The following CDH18 variants were observed in gnomAD, a reference collection of about 807,000 sequenced individuals.
The protein encoded by CDH18 is cadherin 18.
In CDH18, 31 loss-of-function variants were observed where a neutral mutation model predicts 67.9. That is an observed-to-expected ratio of 0.46 (90% confidence interval 0.34 to 0.62). The LOEUF (loss-of-function observed/expected upper bound fraction) is 0.62. Ranked by LOEUF, CDH18 falls within the 20% of genes least tolerant of loss-of-function variation. The pLI is 0.01. For synonymous variants in CDH18, 362 were observed against 347.2 expected (o/e 1.04, Z -0.48); for missense variants, 890 against 975.5 (o/e 0.91, Z 1.17).
At chr5:20,219,015 C>T (rs1741006051) in intron 2 of CDH18, among the ~76,000 whole-genome samples, 1 of 149,906 alleles carries the variant, frequency 6.7e-6, no homozygotes, top group African/African-American at 2.5e-5. Flanking sequence ...AAATAAGTAA[C>T]AAAAATTAGA....
At position 19,983,574 on chromosome 5, in the gene CDH18, C is replaced by T. The variant is rs377009177; in HGVS notation, c.-375-2396G>A. Among the ~76,000 whole-genome samples, 78 of 152,240 alleles carry T rather than the reference C, an allele frequency of 5.1e-4. No homozygotes were observed. In the South Asian group the frequency reaches 0.016, roughly 31 times the overall value. ...GATCAAACTTTGTTCATTTTGTTCT[C>T]AGACCTACCAAGAAATTTCTAAATT... On this transcript the variant is annotated intron_variant, in intron 1 of 12. Transcript: ENST00000382275.
At position 20,101,122 on chromosome 5, in the gene CDH18, T is replaced by C. The variant is rs183014235; in HGVS notation, c.-517-109108A>G. On this transcript the variant is annotated intron_variant, in intron 2 of 14. Coordinates refer to the CDH18 transcript ENST00000507958. ...ATGTACACCACATCGGGCTTTTTTTTTTCTTCAGTTTTTATTTTTTGTAGA... is the reference window on the plus strand; with the variant it reads ...ATGTACACCACATCGGGCTTTTTTTCTTCTTCAGTTTTTATTTTTTGTAGA... Among the ~76,000 whole-genome samples, 100 of 152,076 alleles carry C rather than the reference T, an allele frequency of 6.6e-4. 1 individual carries two copies. In the South Asian group the frequency reaches 0.018, roughly 27 times the overall value.
chr5:19,583,846 T>C (rs1743670955), intron 7 of CDH18, among the ~76,000 whole-genome samples: 1 of 152,152 alleles, frequency 6.6e-6, no homozygotes, highest in South Asian at 2.1e-4. Context: ...TATATTTCAT[T>C]TTACAGTAAG....
intron 1 of CDH18, among the ~76,000 whole-genome samples, chr5:20,499,075 G>A (rs535279057): frequency 6.6e-6 from 1 of 151,972 alleles, no homozygotes; most frequent in Non-Finnish European, 1.5e-5. Context: ...TCAAAGATAA[G>A]TGAGCTGTGA....
chr5:20,505,181 T>C (rs541675909), intron 1 of CDH18, among the ~76,000 whole-genome samples: 34 of 152,258 alleles, frequency 2.2e-4, no homozygotes, highest in African/African-American at 8.2e-4. Flanking sequence ...ACTGGTGGTA[T>C]AAGTACAGTC....
At chr5:19,834,125 T>C (rs548749996) in intron 3 of CDH18, among the ~76,000 whole-genome samples, 8 of 151,442 alleles carry the variant, frequency 5.3e-5, no homozygotes, top group African/African-American at 1.9e-4. Context: ...CTGGTAGAAT[T>C]CAGCTGTGAA....
intron 2 of CDH18, among the ~76,000 whole-genome samples, chr5:19,860,256 T>C (rs929462225): frequency 6.6e-6 from 1 of 152,116 alleles, no homozygotes; most frequent in Non-Finnish European, 1.5e-5. Flanking sequence ...GCTCTGTCCA[T>C]TGCATCCAGT....
chr5:20,560,099 C>T (rs17236779), intron 1 of CDH18, among the ~76,000 whole-genome samples: 42,342 of 152,030 alleles, frequency 0.28, 6,223 homozygotes, highest in Middle Eastern at 0.33. Flanking sequence ...GGTGAGAAGT[C>T]GTCATGGAAA....
At chr5:20,141,517 C>T (rs1750239777) in intron 2 of CDH18, among the ~76,000 whole-genome samples, 1 of 152,090 alleles carries the variant, frequency 6.6e-6, no homozygotes, top group Non-Finnish European at 1.5e-5. Context: ...AGCTAGATGG[C>T]ATCAACAGTA....
intron 3 of CDH18, among the ~76,000 whole-genome samples, chr5:19,810,609 G>C (rs1462471336): frequency 1.3e-5 from 2 of 151,780 alleles, no homozygotes; most frequent in African/African-American, 4.8e-5. Flanking sequence ...AAATATATTT[G>C]ATTAAGTAAT....
intron 2 of CDH18, among the ~76,000 whole-genome samples, chr5:20,094,964 T>C (rs1262056114): frequency 6.6e-6 from 1 of 152,114 alleles, no homozygotes; most frequent in African/African-American, 2.4e-5. Flanking sequence ...TACCATGGAA[T>C]ACTAAGCAGT....
At chr5:19,678,224 C>G (rs1759770757) in intron 5 of CDH18, among the ~76,000 whole-genome samples, 1 of 139,130 alleles carries the variant, frequency 7.2e-6, no homozygotes, top group South Asian at 2.4e-4. Context: ...CACAATCAAA[C>G]ATAAAACAAT....
chr5:19,716,697 C>A (rs1353677543), intron 5 of CDH18, among the ~76,000 whole-genome samples: 1 of 151,532 alleles, frequency 6.6e-6, no homozygotes, highest in Non-Finnish European at 1.5e-5. Context: ...TCATGTAACA[C>A]AAAAAATTAA....
chr5:19,944,978 G>A (rs1221907121), intron 2 of CDH18, among the ~76,000 whole-genome samples: 1 of 152,102 alleles, frequency 6.6e-6, no homozygotes, highest in African/African-American at 2.4e-5. Context: ...AAAACAGCCT[G>A]CCTCTCTGGC....
At chr5:19,555,142 T>C (rs574269288) in intron 8 of CDH18, among the ~76,000 whole-genome samples, 1 of 152,218 alleles carries the variant, frequency 6.6e-6, no homozygotes, top group East Asian at 1.9e-4. Flanking sequence ...CCAGGGAAAA[T>C]GGCGGAGAGG....
At chr5:19,524,476 A>C (rs900821902) in intron 9 of CDH18, among the ~76,000 whole-genome samples, 1 of 151,784 alleles carries the variant, frequency 6.6e-6, no homozygotes, top group Non-Finnish European at 1.5e-5. Flanking sequence ...TAATTAGTCA[A>C]AATGCTTATT....
intron 1 of CDH18, among the ~76,000 whole-genome samples, chr5:20,564,494 C>T (rs1373090398): frequency 1.3e-5 from 2 of 151,854 alleles, no homozygotes; most frequent in Non-Finnish European, 2.9e-5. Flanking sequence ...TCTGGTTGGG[C>T]CAGGCTGGTC....
intron 2 of CDH18, among the ~76,000 whole-genome samples, chr5:20,053,207 C>T (rs1002222573): frequency 6.6e-6 from 1 of 151,424 alleles, no homozygotes; most frequent in African/African-American, 2.4e-5. Context: ...CTATCTTATA[C>T]ATATAAATGT....
At chr5:19,745,787 C>T (rs1769915333) in intron 4 of CDH18, among the ~76,000 whole-genome samples, 1 of 152,098 alleles carries the variant, frequency 6.6e-6, no homozygotes, top group African/African-American at 2.4e-5. Flanking sequence ...AAGAAGACCT[C>T]ACTCTCTTCC....
Sources: allele counts gnomAD v4.1 joint callset (sites outside exome capture counted in the v4.1 genomes callset), GRCh38; gene constraint gnomAD v4.1.1; transcripts MANE v1.5; gene names NCBI Gene and HGNC (gene_info 2026-07-23, HGNC 2026-07-21).